GRIK3: variants seen among roughly 807,000 people sequenced by gnomAD.
The protein encoded by GRIK3 is glutamate ionotropic receptor kainate type subunit 3.
In GRIK3, 29 loss-of-function variants were observed where a neutral mutation model predicts 102.5. That is an observed-to-expected ratio of 0.28 (90% CI 0.21 to 0.39). The LOEUF is 0.39. Among genes scored for constraint, GRIK3 ranks in the 10% least tolerant of loss-of-function variants. The pLI is 1.00. For synonymous variants in GRIK3, 511 were observed against 504.9 expected, an observed-to-expected ratio of 1.01 and a Z score of -0.16; for missense variants, 908 against 1,252.4, an observed-to-expected ratio of 0.73 and a Z score of 4.15.
intron 1 of GRIK3, among the ~76,000 whole-genome samples, chr1:36,984,510 T>C (rs1642283880): frequency 6.6e-6 from 1 of 152,210 alleles, no homozygotes; most frequent in Admixed American, 6.5e-5. Flanking sequence ...TCCTTCCTGC[T>C]TACCCAAACT....
At chr1:36,871,079 A>G (rs1640837521) in intron 4 of GRIK3, among the ~76,000 whole-genome samples, 1 of 152,074 alleles carries the variant, frequency 6.6e-6, no homozygotes, top group South Asian at 2.1e-4. Flanking sequence ...GAAACTCCTG[A>G]TGTTTTCCTT....
At chr1:36,876,046 C>A (rs1640909808) in intron 3 of GRIK3, among the ~76,000 whole-genome samples, 1 of 152,198 alleles carries the variant, frequency 6.6e-6, no homozygotes, top group Non-Finnish European at 1.5e-5. Context: ...TGAGACAGAT[C>A]TTCCTCTTTG....
intron 5 of GRIK3, among the ~76,000 whole-genome samples, chr1:36,863,986 A>T (rs1340208380): frequency 6.6e-6 from 1 of 152,234 alleles, no homozygotes; most frequent in Non-Finnish European, 1.5e-5. Flanking sequence ...AGGTTAGTGC[A>T]AAAGTCATTG....
intron 1 of GRIK3, among the ~76,000 whole-genome samples, chr1:36,891,518 C>G (rs1223066313): frequency 6.6e-6 from 1 of 152,100 alleles, no homozygotes; most frequent in African/African-American, 2.4e-5. Flanking sequence ...AAAATATAAT[C>G]AACTCACAAA....
chr1:36,958,299 C>G (rs4652935), intron 1 of GRIK3, among the ~76,000 whole-genome samples: 1 of 64,372 alleles, frequency 1.6e-5, no homozygotes, highest in East Asian at 5.7e-4. Flanking sequence ...TCTGTGCCCC[C>G]TGAGTCTGTG....
intron 1 of GRIK3, 131 bp downstream of exon 1, chr1:37,033,863 C>T (rs1569593066): frequency 1.9e-6 from 1 of 530,132 alleles, no homozygotes; most frequent in Non-Finnish European, 3.4e-6. Context: ...GGGAGGAGCT[C>T]CTGGTGGTCA....
chr1:36,986,763 TAAAG>T (rs1406550829), intron 1 of GRIK3, among the ~76,000 whole-genome samples: 1 of 152,160 alleles, frequency 6.6e-6, no homozygotes, highest in Non-Finnish European at 1.5e-5. Flanking sequence ...AGCTGAGTCT[TAAAG>T]AATGAGTGGC....
At chr1:36,863,718 G>C (rs867691484) in intron 5 of GRIK3, among the ~76,000 whole-genome samples, 16 of 152,164 alleles carry the variant, frequency 1.1e-4, no homozygotes, top group South Asian at 2.1e-4. Context: ...GCACAACAGA[G>C]TGCGTCAGAC....
At chr1:36,937,772 G>T (rs1641675851) in intron 1 of GRIK3, among the ~76,000 whole-genome samples, 1 of 152,190 alleles carries the variant, frequency 6.6e-6, no homozygotes, top group Non-Finnish European at 1.5e-5. Context: ...ACAATCAAGT[G>T]TCCCATCAAT....
chr1:36,910,354 G>T (rs939072369), intron 1 of GRIK3, among the ~76,000 whole-genome samples: 1 of 152,264 alleles, frequency 6.6e-6, no homozygotes, highest in African/African-American at 2.4e-5. Flanking sequence ...CAGCGAGATT[G>T]TTGCTAACAG....
At chr1:36,953,452 C>T (rs545682127) in intron 1 of GRIK3, among the ~76,000 whole-genome samples, 1 of 152,214 alleles carries the variant, frequency 6.6e-6, no homozygotes, top group South Asian at 2.1e-4. Context: ...TGGCTTTAAG[C>T]AGGAGAGTGC....
Position 36,850,976 on chromosome 1 carries a change from T to C in GRIK3, c.1213-552A>G, listed in dbSNP as rs113280089. On this transcript the variant is annotated intron_variant, in intron 8 of 15. Coordinates refer to ENST00000373091, the MANE Select transcript of GRIK3 (RefSeq NM_000831.4). The surrounding 1 kb of genome is among the most constrained non-coding windows in gnomAD (Gnocchi z 4.0). ...AATCTCTCTCTCTACAGCGTCCTTG[T>C]GGATATCGGGCCTGAGGCTAGAGGT... 2.4e-4 allele frequency among the ~76,000 whole-genome samples: 36 copies of C among 152,330 alleles called. No individual in the cohort carries two copies. Among genetic ancestry groups the C allele is most frequent in the African/African-American group, 8.2e-4 (34 of 41,570 alleles).
At chr1:36,989,209 T>G (rs11263957) in intron 1 of GRIK3, among the ~76,000 whole-genome samples, 1 of 152,104 alleles carries the variant, frequency 6.6e-6, no homozygotes, top group South Asian at 2.1e-4. Flanking sequence ...CACACACGCA[T>G]GCACATAACT....
chr1:36,966,954 A>T (rs757290986), intron 1 of GRIK3, among the ~76,000 whole-genome samples: 8 of 152,196 alleles, frequency 5.3e-5, no homozygotes, highest in Non-Finnish European at 1.2e-4. Context: ...TTAAAAAAAG[A>T]TGTATGGAAT....
chr1:36,921,544 T>C (rs895782318), intron 1 of GRIK3, among the ~76,000 whole-genome samples: 1 of 151,990 alleles, frequency 6.6e-6, no homozygotes, highest in African/African-American at 2.4e-5. Flanking sequence ...GATAGCGGGG[T>C]ACGTAAAGAG....
intron 7 of GRIK3, among the ~76,000 whole-genome samples, chr1:36,858,474 TG>T (rs767790241): frequency 3.3e-5 from 5 of 152,198 alleles, no homozygotes; most frequent in Admixed American, 6.5e-5. Flanking sequence ...AGGCACTGTG[TG>T]TTCCATGGTC....
At chr1:36,926,603 C>G (rs937772743) in intron 1 of GRIK3, among the ~76,000 whole-genome samples, 1 of 152,082 alleles carries the variant, frequency 6.6e-6, no homozygotes, top group East Asian at 1.9e-4. Context: ...ATTGGCCAGG[C>G]TGGTCTTGAA....
At chr1:36,949,053 A>G (rs1316932767) in intron 1 of GRIK3, among the ~76,000 whole-genome samples, 1 of 152,128 alleles carries the variant, frequency 6.6e-6, no homozygotes, top group African/African-American at 2.4e-5. Flanking sequence ...GGAGGCTGAA[A>G]CAGGCCCCAG....
intron 3 of GRIK3, among the ~76,000 whole-genome samples, chr1:36,877,091 G>A (rs1209592628): frequency 6.6e-6 from 1 of 152,184 alleles, no homozygotes; most frequent in African/African-American, 2.4e-5. Flanking sequence ...GAAGTGACGT[G>A]TACTTATAGT....
Sources: allele counts gnomAD v4.1 joint callset (sites outside exome capture counted in the v4.1 genomes callset), GRCh38; gene constraint gnomAD v4.1.1; non-coding constraint Gnocchi (gnomAD v3.1); transcripts MANE v1.5; gene names NCBI Gene and HGNC (gene_info 2026-07-23, HGNC 2026-07-21).